Variants in DFFA observed in about 807,000 individuals in gnomAD.
DFFA encodes DFF45.
Under a neutral mutation model 28.0 loss-of-function variants are expected in DFFA, and 14 were observed. The ratio of observed to expected loss-of-function variants is 0.50; its 90% confidence interval spans 0.33 to 0.78. DFFA has a LOEUF of 0.78. Among genes scored for constraint, DFFA ranks in the 30% least tolerant of loss-of-function variants. The probability of loss-of-function intolerance (pLI) is 0.02; values close to 1 mark genes in which losing one functional copy is unlikely to be tolerated. For synonymous variants in DFFA, 158 were observed against 170.3 expected, an observed-to-expected ratio of 0.93 and a Z score of 0.56; for missense variants, 395 against 407.1, an observed-to-expected ratio of 0.97 and a Z score of 0.26.
At position 10,458,354 on chromosome 1, in the gene DFFA, G is replaced by A. The variant is rs1217208741; in HGVS notation, c.*3136C>T. The stretch of plus-strand genomic sequence containing the variant: ...GCTTCTATTAAAGGATAATTAAGGA[G>A]GCATTACAAAATAAGCTATAAAAAA... On this transcript the variant is annotated 3_prime_UTR_variant, in exon 6 of 6. Coordinates refer to ENST00000377038, the MANE Select transcript of DFFA (RefSeq NM_004401.3). The A allele has an allele frequency of 6.6e-6, 1 of 152,120 alleles. No homozygotes were observed. The highest frequency in any genetic ancestry group is 1.5e-5 in the Non-Finnish European group (1 of 68,030). The allele number at this position is 152,120 out of a possible 1,614,324, so 9.4% of individuals were successfully genotyped here.
At chr1:10,466,430 C>T (rs1277216654) in intron 3 of DFFA, among the ~76,000 whole-genome samples, 2 of 151,840 alleles carry the variant, frequency 1.3e-5, no homozygotes, top group African/African-American at 4.8e-5. Context: ...ACCTCGTGAT[C>T]TGCCCGCCTC....
Position 10,472,462 on chromosome 1 carries a change from C to T in DFFA, c.-4G>A. 6.2e-7 allele frequency: 1 copy of T among 1,606,560 alleles called. No homozygotes were observed. The highest frequency in any genetic ancestry group is 1.3e-5 in the African/African-American group (1 of 74,738). On this transcript the variant is annotated 5_prime_UTR_variant, in exon 1 of 6. Coordinates refer to ENST00000377038, the MANE Select transcript of DFFA (RefSeq NM_004401.3). This position sits in a 1 kb window ranked among gnomAD's most constrained non-coding sequence, Gnocchi z 5.0. ...CGGCGTCCCCGGTCACCTCCATCCT[C>T]CACAAGGTGGGACCTGCCCACCTTC...
At position 10,463,194 on chromosome 1, in the gene DFFA, A is replaced by G; in HGVS notation, c.647T>C (p.Phe216Ser). The G allele has an allele frequency of 6.2e-7, 1 of 1,614,102 alleles. No individual in the cohort carries two copies. The highest frequency in any genetic ancestry group is 1.1e-5 in the South Asian group (1 of 91,078). Residue 216 changes from phenylalanine (F) to serine (S), a missense_variant, in exon 5 of 6, where the codon TTT becomes TCT. Phe to Ser is a radical substitution (Grantham distance 155, BLOSUM62 -2). Coordinates refer to ENST00000377038, the MANE Select transcript of DFFA (RefSeq NM_004401.3). ...GTCTACTGCATCCACCTCCTCACCA[A>G]AGGCAGCTTTGGACTCTGCAAAGGA... ...LSKQEESKAA[F>S]GEEVDAVDTG...
Position 10,472,454 on chromosome 1 carries a change from T to C in DFFA, c.5A>G (p.Glu2Gly), listed in dbSNP as rs756187569. 6.2e-7 allele frequency: 1 copy of C among 1,609,642 alleles called. No homozygotes were observed. Among genetic ancestry groups the C allele is most frequent in the South Asian group, 1.1e-5 (1 of 90,578 alleles). ...TGGTACCCCGGCGTCCCCGGTCACC[T>C]CCATCCTCCACAAGGTGGGACCTGC... The part of the protein sequence containing the change: M[E>G]VTGDAGVPES... Residue 2 changes from glutamate (E) to glycine (G), a missense_variant, in exon 1 of 6, where the codon GAG becomes GGG. Coordinates refer to ENST00000377038, the MANE Select transcript of DFFA (RefSeq NM_004401.3). The surrounding 1 kb of genome is among the most constrained non-coding windows in gnomAD (Gnocchi z 5.0).
In DFFA at chr1:10,458,578, ACCCAGGCTGGAG is replaced by A. The variant is rs375062524; in HGVS notation, c.*2900_*2911del. The A allele has an allele frequency of 6.2e-4, 81 of 130,030 alleles. No individual in the cohort carries two copies. Among genetic ancestry groups the A allele is most frequent in the African/African-American group, 2.2e-3 (74 of 34,280 alleles). The allele number at this position is 130,030 out of a possible 1,614,324, so 8.1% of individuals were successfully genotyped here. On this transcript the variant is annotated 3_prime_UTR_variant, in exon 6 of 6. Transcript: ENST00000377038. ...TTTAAAGACAGAGTCTCATTCTGTC[ACCCAGGCTGGAG>A]CCCAGTGGCAGGATCTCAGCTCAGT...
chr1:10,466,177 T>G (rs2124344319), intron 3 of DFFA, among the ~76,000 whole-genome samples: 1 of 152,128 alleles, frequency 6.6e-6, no homozygotes, highest in South Asian at 2.1e-4. Context: ...CATACTGTTT[T>G]TATCCCAATC....
intron 3 of DFFA, among the ~76,000 whole-genome samples, chr1:10,466,346 G>A (rs1557794777): frequency 6.6e-6 from 1 of 151,970 alleles, no homozygotes; most frequent in African/African-American, 2.4e-5. Flanking sequence ...CACACCACCA[G>A]GCCCGGCTAA....
chr1:10,472,261 C>T lies in DFFA; in HGVS notation c.136+62G>A, dbSNP rs553592799. The T allele has an allele frequency of 1.9e-5, 28 of 1,506,480 alleles. No homozygotes were observed. In the African/African-American group the frequency reaches 3.9e-4, roughly 21 times the overall value. The allele number at this position is 1,506,480 out of a possible 1,614,324, so 93.3% of individuals were successfully genotyped here. ...CGCCTCTCCTGACCCCGCCTCGCCC[C>T]CGCCGGACGTCCTCACCCGGCCCTG... is the stretch of plus-strand genomic sequence containing the variant. On this transcript the variant is annotated intron_variant, in intron 1 of 5. Coordinates refer to ENST00000377038, the MANE Select transcript of DFFA (RefSeq NM_004401.3). This position sits in a 1 kb window ranked among gnomAD's most constrained non-coding sequence, Gnocchi z 5.0.
intron 1 of DFFA, 39 bp from the exon 2 acceptor site, chr1:10,469,377 G>T: frequency 1.9e-6 from 3 of 1,595,370 alleles, no homozygotes; most frequent in Non-Finnish European, 2.6e-6. Flanking sequence ...ACAAATAACC[G>T]TAAGGAAATT....
At position 10,469,227 on chromosome 1, in the gene DFFA, G is replaced by C. The variant is rs763760139; in HGVS notation, c.248C>G (p.Thr83Ser). 1 of 1,614,164 alleles carries C rather than the reference G, an allele frequency of 6.2e-7. No individual in the cohort carries two copies. The highest frequency in any genetic ancestry group is 1.1e-5 in the South Asian group (1 of 91,080). Residue 83 changes from threonine to serine, a missense_variant, in exon 2 of 6, where the codon ACT (threonine) becomes AGT (serine). Coordinates refer to ENST00000377038, the MANE Select transcript of DFFA (RefSeq NM_004401.3). ...DDYFLCLPSN[T>S]KFVALASNEK... ...ATTACTAGCCAATGCCACAAACTTA[G>C]TATTGGAAGGTAGACACAGAAAGTA...
chr1:10,461,129 C>T lies in DFFA; in HGVS notation c.*361G>A, dbSNP rs1234090835. The T allele has an allele frequency of 1.6e-5, 3 of 186,740 alleles. No homozygotes were observed. Among genetic ancestry groups the T allele is most frequent in the African/African-American group, 6.9e-5 (3 of 43,290 alleles). 11.6% of individuals were successfully genotyped at this position (186,740 alleles called of 1,614,324 possible). On this transcript the variant is annotated 3_prime_UTR_variant, in exon 6 of 6. Transcript: ENST00000377038. ...GTTTCACCATGTTAGCCAGGATGGT[C>T]TCGATCTCCTGACTTCACGATCCGC...
Position 10,467,238 on chromosome 1 carries a change from C to G in DFFA, c.393G>C (p.Leu131=). 6.2e-7 allele frequency: 1 copy of G among 1,614,116 alleles called. No homozygotes were observed. The highest frequency in any genetic ancestry group is 8.5e-7 in the Non-Finnish European group (1 of 1,180,030). The change falls in exon 3 of 6, where the codon CTG becomes CTC. Residue 131 remains leucine, a synonymous_variant. Transcript: ENST00000377038. ...GGATGATGCTGGACAGATCTTCTTT[C>G]AGCTGCCTGGCCACATTCTTCCACT... is the stretch of plus-strand genomic sequence containing the variant. The part of the protein sequence containing the change: ...GLKWKNVARQ[L]KEDLSSIILL...
chr1:10,459,221 G>A lies in DFFA; in HGVS notation c.*2269C>T, dbSNP rs1640896560. ...TTAACAGTATTCTGTTTTCCTCTAA[G>A]CATGCATAAAAAGTGGTCAAATAAG... On this transcript the variant is annotated 3_prime_UTR_variant, in exon 6 of 6. Coordinates refer to ENST00000377038, the MANE Select transcript of DFFA (RefSeq NM_004401.3). 1 of 152,158 alleles carries A rather than the reference G, an allele frequency of 6.6e-6. No homozygotes were observed. Among genetic ancestry groups the A allele is most frequent in the Non-Finnish European group, 1.5e-5 (1 of 68,044 alleles). 9.4% of individuals were successfully genotyped at this position (152,158 alleles called of 1,614,324 possible). A position where few individuals can be genotyped will look rare whatever the true frequency, so the allele number is the denominator to read the frequency against.
chr1:10,463,663 C>T, intron 3 of DFFA, 43 bp from the exon 4 acceptor site: 3 of 1,552,432 alleles, frequency 1.9e-6, no homozygotes, highest in Non-Finnish European at 2.6e-6. Context: ...CAGGGACTTT[C>T]TGACTTTCTT....
Position 10,458,892 on chromosome 1 carries a change from T to C in DFFA, c.*2598A>G, listed in dbSNP as rs1358234685. ...TTTTGTGTGACAGTGTCTCACTCTGTTGCAGGCTGGAGTACAGTGGCACAA... is the reference window on the plus strand; with the variant it reads ...TTTTGTGTGACAGTGTCTCACTCTGCTGCAGGCTGGAGTACAGTGGCACAA... On this transcript the variant is annotated 3_prime_UTR_variant, in exon 6 of 6. Transcript: ENST00000377038. 3 of 149,584 alleles carry C rather than the reference T, an allele frequency of 2.0e-5. No homozygotes were observed. Among genetic ancestry groups the C allele is most frequent in the African/African-American group, 7.4e-5 (3 of 40,474 alleles). The allele number at this position is 149,584 out of a possible 1,614,324, so 9.3% of individuals were successfully genotyped here.
At position 10,472,462 on chromosome 1, in the gene DFFA, C is replaced by A. The variant is rs575744502; in HGVS notation, c.-4G>T. The stretch of plus-strand genomic sequence containing the variant: ...CGGCGTCCCCGGTCACCTCCATCCT[C>A]CACAAGGTGGGACCTGCCCACCTTC... On this transcript the variant is annotated 5_prime_UTR_variant, in exon 1 of 6. Coordinates refer to ENST00000377038, the MANE Select transcript of DFFA (RefSeq NM_004401.3). This position sits in a 1 kb window ranked among gnomAD's most constrained non-coding sequence, Gnocchi z 5.0. The A allele has an allele frequency of 2.2e-5, 35 of 1,606,560 alleles. No homozygotes were observed. The South Asian group carries it at 3.9e-4, about 18-fold the overall frequency.
rs370681036 is a variant in DFFA at position 10,463,093 on chromosome 1, C to A, written c.748G>T (p.Ala250Ser). 1.2e-5 allele frequency: 20 copies of A among 1,614,010 alleles called. No individual in the cohort carries two copies. The highest frequency in any genetic ancestry group is 1.7e-5 in the Non-Finnish European group (20 of 1,180,038). Reference protein sequence around the residue: ...HILTALREKQAPELSLSSQDL... With the variant: ...HILTALREKQSPELSLSSQDL... The stretch of plus-strand genomic sequence containing the variant: ...TGACTAGATAAGCTCAGCTCTGGAG[C>A]CTGCTTCTCCCTCAGTGCAGTAAGG... Residue 250 changes from alanine (A) to serine (S), a missense_variant, in exon 5 of 6, where the codon GCT (alanine) becomes TCT (serine). Ala to Ser is a moderately conservative substitution (Grantham distance 99). Coordinates refer to ENST00000377038, the MANE Select transcript of DFFA (RefSeq NM_004401.3).
In DFFA at chr1:10,472,231, C is replaced by A. The variant is rs1641108360; in HGVS notation, c.136+92G>T. 1.4e-6 allele frequency: 2 copies of A among 1,438,688 alleles called. No individual in the cohort carries two copies. Among genetic ancestry groups the A allele is most frequent in the South Asian group, 2.8e-5 (2 of 71,060 alleles). The allele number at this position is 1,438,688 out of a possible 1,614,324, so 89.1% of individuals were successfully genotyped here. On this transcript the variant is annotated intron_variant, in intron 1 of 5. Transcript: ENST00000377038. This position sits in a 1 kb window ranked among gnomAD's most constrained non-coding sequence, Gnocchi z 5.0. ...CCTCCACCCGAGATACAAGAATCCC[C>A]AAGTCGCCTCTCCTGACCCCGCCTC...
chr1:10,463,096 G>A lies in DFFA; in HGVS notation c.745C>T (p.Gln249Ter), dbSNP rs138729395. 6.2e-6 allele frequency: 10 copies of A among 1,614,018 alleles called. No homozygotes were observed. The highest frequency in any genetic ancestry group is 7.6e-6 in the Non-Finnish European group (9 of 1,180,028). Residue 249 changes from glutamine to a stop codon, truncating the protein, a stop_gained, in exon 5 of 6, where the codon CAG (glutamine) becomes TAG (stop). Coordinates refer to ENST00000377038, the MANE Select transcript of DFFA (RefSeq NM_004401.3). LOFTEE classifies it low-confidence loss of function (END_TRUNC). The stretch of plus-strand genomic sequence containing the variant: ...CTAGATAAGCTCAGCTCTGGAGCCT[G>A]CTTCTCCCTCAGTGCAGTAAGGATG... ...SHILTALREK[Q>*]APELSLSSQD... is the part of the protein sequence containing the mutation.
Sources: gnomAD v4.1 joint callset for allele counts (sites outside exome capture counted in the v4.1 genomes callset) on GRCh38, gnomAD v4.1.1 for gene constraint, Gnocchi (gnomAD v3.1) non-coding constraint, MANE v1.5 for transcripts, NCBI Gene and HGNC (gene_info 2026-07-23, HGNC 2026-07-21) for gene names.